Variants in ASPSCR1 observed in about 807,000 individuals in gnomAD.
ASPSCR1 encodes the protein ASPSCR1 tether for SLC2A4, UBX domain containing.
Under a neutral mutation model 68.9 loss-of-function variants are expected in ASPSCR1, and 55 were observed. That is an observed-to-expected ratio of 0.80 (90% CI 0.64 to 1.00). The LOEUF (loss-of-function observed/expected upper bound fraction) is 1.00, where lower values mean the gene tolerates loss of function less well. Among genes scored for constraint, ASPSCR1 ranks in the 50% least tolerant of loss-of-function variants. The pLI, the probability that ASPSCR1 is intolerant of heterozygous loss-of-function variation, is 0.00. For synonymous variants in ASPSCR1, 352 were observed against 332.6 expected, an observed-to-expected ratio of 1.06 and a Z score of -0.63; for missense variants, 765 against 762.2, an observed-to-expected ratio of 1.00 and a Z score of -0.04.
chr17:82,015,312 C>T (rs567973958), intron 12 of ASPSCR1: 7 of 1,598,200 alleles, frequency 4.4e-6, no homozygotes, highest in Admixed American at 3.3e-5. Context: ...CAGTGGCGAT[C>T]CCTCCCGAGT....
chr17:81,982,468 C>T (rs927339010), intron 2 of ASPSCR1: 17 of 152,276 alleles, frequency 1.1e-4, no homozygotes, highest in Admixed American at 8.5e-4. Context: ...CAGTGCCCTC[C>T]GCTCCAAGGT....
At position 82,017,022 on chromosome 17, in the gene ASPSCR1, G is replaced by T. The variant is rs1461417572; in HGVS notation, c.1557G>T (p.Glu519Asp). Residue 519 changes from glutamate (E) to aspartate (D), a missense_variant, in exon 15 of 16, where the codon GAG becomes GAT. By Grantham distance (45) the Glu-to-Asp change is conservative. Coordinates refer to ENST00000306739, the MANE Select transcript of ASPSCR1 (RefSeq NM_024083.4). ...PAPKSEPAAE[E>D]GALVPPEPIP... is the part of the protein sequence containing the mutation. ...CTAAGTCTGAGCCAGCTGCTGAGGAGGGGGCGCTGGTCCCCCCTGAGCCCA... is the reference window on the plus strand; with the variant it reads ...CTAAGTCTGAGCCAGCTGCTGAGGATGGGGCGCTGGTCCCCCCTGAGCCCA... 2 of 1,612,364 alleles carry T rather than the reference G, an allele frequency of 1.2e-6. No homozygotes were observed. Among genetic ancestry groups the T allele is most frequent in the South Asian group, 1.1e-5 (1 of 91,078 alleles).
intron 4 of ASPSCR1, 66 bp downstream of exon 4, chr17:81,985,673 G>C: frequency 2.0e-6 from 3 of 1,519,018 alleles, no homozygotes; most frequent in Non-Finnish European, 2.7e-6. Context: ...GTGGTTACTG[G>C]GTCTGGTTCA....
intron 6 of ASPSCR1, 151 bp downstream of exon 6, chr17:81,996,216 G>A: frequency 1.5e-6 from 2 of 1,344,102 alleles, no homozygotes; most frequent in South Asian, 3.1e-5. Context: ...CCTGCCTGTG[G>A]GCGTGGGGGC....
Position 81,986,283 on chromosome 17 carries a change from G to A in ASPSCR1, c.374+676G>A, listed in dbSNP as rs971738198. ...TACAAAAAATAGAAATGTTAGGCCA[G>A]GCATAGTGCATGGTGGTGCGTGCCT... On this transcript the variant is annotated intron_variant, in intron 4 of 15. Coordinates refer to ENST00000306739, the MANE Select transcript of ASPSCR1 (RefSeq NM_024083.4). The surrounding 1 kb of genome is among the most constrained non-coding windows in gnomAD (Gnocchi z 5.2). Among the ~76,000 whole-genome samples the A allele has an allele frequency of 1.3e-5, 2 of 152,216 alleles. No individual in the cohort carries two copies. The highest frequency in any genetic ancestry group is 3.9e-4 in the East Asian group (2 of 5,178).
intron 7 of ASPSCR1, chr17:82,007,343 G>A (rs1231970517): frequency 4.6e-5 from 7 of 152,264 alleles, no homozygotes; most frequent in African/African-American, 1.7e-4. Flanking sequence ...GGATCCACAG[G>A]AATTAGAGAT....
At chr17:82,012,150 C>T (rs879007672) in intron 11 of ASPSCR1, 81 bp from the exon 12 acceptor site, 9 of 1,496,500 alleles carry the variant, frequency 6.0e-6, no homozygotes, top group Middle Eastern at 1.7e-4. Context: ...TCACCCCCAT[C>T]TGCAGGCCTG....
chr17:81,992,964 C>T (rs1869515483), intron 4 of ASPSCR1, among the ~76,000 whole-genome samples: 6 of 152,172 alleles, frequency 3.9e-5, no homozygotes, highest in Admixed American at 3.9e-4. Flanking sequence ...AGTCCACGAC[C>T]CTGTGGGGCC....
chr17:81,980,541 C>A (rs762786733), intron 2 of ASPSCR1, among the ~76,000 whole-genome samples: 2 of 152,216 alleles, frequency 1.3e-5, no homozygotes, highest in Non-Finnish European at 2.9e-5. Flanking sequence ...CTCTTGTCAA[C>A]TGAAGAATGC....
At position 81,988,633 on chromosome 17, in the gene ASPSCR1, T is replaced by A. The variant is rs192105222; in HGVS notation, c.374+3026T>A. On this transcript the variant is annotated intron_variant, in intron 4 of 15. Coordinates refer to ENST00000306739, the MANE Select transcript of ASPSCR1 (RefSeq NM_024083.4). Reference sequence around the variant, plus strand: ...CACGTACACCTCATTTGATGAACACTCACACCTGTGGTGGAGAGTGATTTG... The same window carrying A: ...CACGTACACCTCATTTGATGAACACACACACCTGTGGTGGAGAGTGATTTG... Among the ~76,000 whole-genome samples the A allele has an allele frequency of 2.2e-4, 34 of 152,234 alleles. No individual in the cohort carries two copies. In the East Asian group the frequency reaches 6.4e-3, roughly 29 times the overall value.
At chr17:81,979,306 G>A in intron 2 of ASPSCR1, 67 bp downstream of exon 2, 2 of 1,546,928 alleles carry the variant, frequency 1.3e-6, no homozygotes, top group Admixed American at 1.7e-5. Context: ...GAACATACTG[G>A]CTCTCACTTG....
chr17:81,996,623 C>T lies in ASPSCR1; in HGVS notation c.710C>T (p.Pro237Leu). Residue 237 changes from proline (P) to leucine (L), a missense_variant, in exon 7 of 16, where the codon CCC becomes CTC. Transcript: ENST00000306739. ...HTQEKQSTRA[P>L]AAAPFVPFSG... is the part of the protein sequence containing the mutation. ...CAGGAGAAGCAGAGCACAAGGGCAC[C>T]CGCAGCTGCCCCCTTTGTTCCTTTC... 1 of 1,611,688 alleles carries T rather than the reference C, an allele frequency of 6.2e-7. No homozygotes were observed.
At chr17:82,003,527 C>A (rs2042606645) in intron 7 of ASPSCR1, among the ~76,000 whole-genome samples, 1 of 152,250 alleles carries the variant, frequency 6.6e-6, no homozygotes, top group African/African-American at 2.4e-5. Flanking sequence ...AGGCCCGGGC[C>A]ATGAGCATCG....
intron 9 of ASPSCR1, 47 bp downstream of exon 9, chr17:82,009,614 G>GC: frequency 6.5e-7 from 1 of 1,527,102 alleles, no homozygotes; most frequent in East Asian, 2.5e-5. Flanking sequence ...CTCTGAGGGG[G>GC]CCCCCCGTGA....
chr17:81,988,611 G>A (rs1194996816), intron 4 of ASPSCR1, among the ~76,000 whole-genome samples: 4 of 152,178 alleles, frequency 2.6e-5, no homozygotes, highest in Admixed American at 6.5e-5. Context: ...GTGTCTGCAC[G>A]TACACCTCAT....
rs1041440886 is a variant in ASPSCR1, at chr17:81,987,956, G to A, written c.374+2349G>A. Among the ~76,000 whole-genome samples the A allele has an allele frequency of 6.6e-6, 1 of 151,892 alleles. No individual in the cohort carries two copies. Among genetic ancestry groups the A allele is most frequent in the Non-Finnish European group, 1.5e-5 (1 of 67,982 alleles). On this transcript the variant is annotated intron_variant, in intron 4 of 15. Coordinates refer to ENST00000306739, the MANE Select transcript of ASPSCR1 (RefSeq NM_024083.4). This position sits in a 1 kb window ranked among gnomAD's most constrained non-coding sequence, Gnocchi z 5.6. The stretch of plus-strand genomic sequence containing the variant: ...GGGTGGATCACGAGGTCAGGAGTTC[G>A]AGACCAGCCTGGCCAATATGGTGAA...
rs754342953 is a variant in ASPSCR1, at chr17:82,011,619, C to G, written c.1300+14C>G. ...CATTTTACCTGTGTACGTTTTTTCT[C>G]CTGAGCCCACTCCTGCCTCCAGTGC... On this transcript the variant is annotated intron_variant, in intron 11 of 15. Transcript: ENST00000306739. 2 of 1,603,456 alleles carry G rather than the reference C, an allele frequency of 1.2e-6. No homozygotes were observed. The highest frequency in any genetic ancestry group is 1.1e-5 in the South Asian group (1 of 89,814).
At chr17:82,004,028 C>T (rs534006207) in intron 7 of ASPSCR1, among the ~76,000 whole-genome samples, 9 of 152,320 alleles carry the variant, frequency 5.9e-5, no homozygotes, top group East Asian at 5.8e-4. Context: ...CCCTCAGAGA[C>T]GCTGGAAACT....
intron 4 of ASPSCR1, among the ~76,000 whole-genome samples, chr17:81,994,335 A>G (rs1005378410): frequency 2.6e-5 from 4 of 152,204 alleles, no homozygotes; most frequent in Non-Finnish European, 4.4e-5. Flanking sequence ...CTTCGGTGAC[A>G]TCAGGCGTCG....
Sources: allele counts gnomAD v4.1 joint callset (sites outside exome capture counted in the v4.1 genomes callset), GRCh38; gene constraint gnomAD v4.1.1; non-coding constraint Gnocchi (gnomAD v3.1); transcripts MANE v1.5; gene names NCBI Gene and HGNC (gene_info 2026-07-23, HGNC 2026-07-21).